The following SLC2A13 variants were observed in gnomAD, a reference collection of about 807,000 sequenced individuals.
SLC2A13 encodes the protein proton myo-inositol cotransporter.
Under a neutral mutation model 64.4 loss-of-function variants are expected in SLC2A13, and 32 were observed. That is an observed-to-expected ratio of 0.50 (90% CI 0.37 to 0.67). SLC2A13 has a LOEUF of 0.67. Ranked by LOEUF, SLC2A13 falls within the 30% of genes least tolerant of loss-of-function variation. SLC2A13 has a pLI of 0.00. For synonymous variants in SLC2A13, 338 were observed against 327.1 expected, an observed-to-expected ratio of 1.03 and a Z score of -0.36; for missense variants, 743 against 829.2, an observed-to-expected ratio of 0.90 and a Z score of 1.28.
intron 3 of SLC2A13, among the ~76,000 whole-genome samples, chr12:39,979,558 GAAGA>G (rs1253678892): frequency 3.3e-5 from 5 of 149,650 alleles, no homozygotes; most frequent in African/African-American, 1.2e-4. Context: ...CGATCAACTG[GAAGA>G]AAGGGTATCA....
At chr12:39,901,287 A>G (rs1945099109) in intron 4 of SLC2A13, among the ~76,000 whole-genome samples, 1 of 152,220 alleles carries the variant, frequency 6.6e-6, no homozygotes, top group East Asian at 1.9e-4. Flanking sequence ...ATGGGCAAGG[A>G]CCTCATGTCT....
At chr12:40,065,402 T>C (rs1488782623) in intron 1 of SLC2A13, among the ~76,000 whole-genome samples, 1 of 150,268 alleles carries the variant, frequency 6.7e-6, no homozygotes, top group Non-Finnish European at 1.5e-5. Context: ...GGCAACATAG[T>C]GAAACCTCAT....
At chr12:39,967,629 T>C (rs1284151897) in intron 3 of SLC2A13, among the ~76,000 whole-genome samples, 1 of 152,246 alleles carries the variant, frequency 6.6e-6, no homozygotes, top group Non-Finnish European at 1.5e-5. Context: ...ATCAAGTTTC[T>C]ATAAATGTTT....
At chr12:39,854,415 A>G (rs1431293857) in intron 6 of SLC2A13, among the ~76,000 whole-genome samples, 1 of 152,228 alleles carries the variant, frequency 6.6e-6, no homozygotes, top group African/African-American at 2.4e-5. Context: ...CCTGCTAGGT[A>G]TATTGGCTGG....
Position 39,951,322 on chromosome 12 carries a change from G to A in SLC2A13, c.969C>T (p.Arg323=). ...ICRMLSYPPT[R]RALIVGCGLQ... ...GGCCACAACCCACAATTAAAGCTCG[G>A]CGAGTTGGGGGATAACTCAGCATTC... Residue 323 remains arginine, a synonymous_variant, in exon 4 of 10, where the codon CGC becomes CGT. Transcript: ENST00000280871. 1 of 1,611,070 alleles carries A rather than the reference G, an allele frequency of 6.2e-7. No homozygotes were observed. The highest frequency in any genetic ancestry group is 2.2e-5 in the East Asian group (1 of 44,730).
intron 1 of SLC2A13, among the ~76,000 whole-genome samples, chr12:40,074,704 T>TC (rs901442750): frequency 6.6e-6 from 1 of 152,114 alleles, no homozygotes; most frequent in African/African-American, 2.4e-5. Flanking sequence ...AGCCCATTTT[T>TC]CCCCCTTTTA....
intron 4 of SLC2A13, among the ~76,000 whole-genome samples, chr12:39,919,934 T>A (rs1945586302): frequency 6.6e-6 from 1 of 152,110 alleles, no homozygotes; most frequent in South Asian, 2.1e-4. Flanking sequence ...TAAATGATTT[T>A]TTTTTGTAAA....
At chr12:39,761,325 G>A (rs966859886) in intron 9 of SLC2A13, among the ~76,000 whole-genome samples, 2 of 151,944 alleles carry the variant, frequency 1.3e-5, no homozygotes, top group East Asian at 3.9e-4. Context: ...AAAATCAGGG[G>A]CATGTATAGG....
chr12:39,932,769 G>A (rs1267995214), intron 4 of SLC2A13, among the ~76,000 whole-genome samples: 4 of 152,118 alleles, frequency 2.6e-5, no homozygotes, highest in African/African-American at 9.7e-5. Flanking sequence ...TCTAGCAGAA[G>A]GGAAAGCAAC....
At position 39,896,465 on chromosome 12, in the gene SLC2A13, T is replaced by TACATATATGTATATGTGTATATATGTAC. The variant is rs1565528574; in HGVS notation, c.1035-24532_1035-24505dup. On this transcript the variant is annotated intron_variant, in intron 4 of 9. Transcript: ENST00000280871. ...ATATGTATATGTGTGTATATATGTA[T>TACATATATGTATATGTGTATATATGTAC]ACATATATGTATATGTGTATATATG... 3.2e-3 allele frequency among the ~76,000 whole-genome samples: 449 copies of TACATATATGTATATGTGTATATATGTAC among 141,470 alleles called. 13 individuals carry two copies. Among genetic ancestry groups the TACATATATGTATATGTGTATATATGTAC allele is most frequent in the Middle Eastern group, 9.1e-3 (1 of 110 alleles). 92.8% of individuals were successfully genotyped at this position (141,470 alleles called of 152,430 possible). A position where few individuals can be genotyped will look rare whatever the true frequency, so the allele number is the denominator to read the frequency against.
chr12:39,958,708 T>C (rs1946359472), intron 3 of SLC2A13, among the ~76,000 whole-genome samples: 1 of 152,142 alleles, frequency 6.6e-6, no homozygotes, highest in African/African-American at 2.4e-5. Context: ...TCTCCTCTAA[T>C]AGGCAATGCT....
At chr12:39,841,742 A>AAAAC (rs773027607) in intron 6 of SLC2A13, among the ~76,000 whole-genome samples, 4 of 152,092 alleles carry the variant, frequency 2.6e-5, no homozygotes, top group Admixed American at 6.6e-5. Flanking sequence ...TTCAGAGAAA[A>AAAAC]AAACAGTAAC....
At chr12:39,830,002 G>T in intron 7 of SLC2A13, 101 bp downstream of exon 7, 1 of 1,451,784 alleles carries the variant, frequency 6.9e-7, no homozygotes, top group Non-Finnish European at 9.5e-7. Context: ...ATGAAGGCCA[G>T]TTTAAAAGAA....
chr12:39,948,466 G>A (rs1283874495), intron 4 of SLC2A13, among the ~76,000 whole-genome samples: 1 of 152,062 alleles, frequency 6.6e-6, no homozygotes, highest in African/African-American at 2.4e-5. Context: ...AAGGGAATAG[G>A]AATAAAGGAT....
chr12:39,963,529 T>G (rs1946453732), intron 3 of SLC2A13, among the ~76,000 whole-genome samples: 1 of 152,198 alleles, frequency 6.6e-6, no homozygotes, highest in Non-Finnish European at 1.5e-5. Flanking sequence ...CCATAATAAA[T>G]GACAGTTCTA....
intron 7 of SLC2A13, among the ~76,000 whole-genome samples, chr12:39,806,675 A>G (rs1410160315): frequency 6.6e-6 from 1 of 152,228 alleles, no homozygotes; most frequent in African/African-American, 2.4e-5. Flanking sequence ...TATTTTAGAC[A>G]GTATACAGAA....
chr12:40,071,912 C>A lies in SLC2A13; in HGVS notation c.557-23702G>T, dbSNP rs556420145. On this transcript the variant is annotated intron_variant, in intron 1 of 9. Transcript: ENST00000280871. ...GATTTCCTCTATCAATTTCCTGTTT[C>A]CAATTTCATTTCCACTCCAATATTT... is the stretch of plus-strand genomic sequence containing the variant. Among the ~76,000 whole-genome samples the A allele has an allele frequency of 2.0e-5, 3 of 152,158 alleles. No homozygotes were observed. The South Asian group carries it at 6.2e-4, about 32-fold the overall frequency.
chr12:39,816,454 T>A (rs927369961), intron 7 of SLC2A13, among the ~76,000 whole-genome samples: 3 of 137,644 alleles, frequency 2.2e-5, no homozygotes, highest in African/African-American at 7.9e-5. Context: ...GGGGGAGGGA[T>A]AGCATTAGGA....
intron 1 of SLC2A13, among the ~76,000 whole-genome samples, chr12:40,094,674 A>C (rs2136300686): frequency 6.6e-6 from 1 of 152,290 alleles, no homozygotes; most frequent in Non-Finnish European, 1.5e-5. Context: ...GAAGAGAGGA[A>C]CTACAGAGAA....
Sources: allele counts gnomAD v4.1 joint callset (sites outside exome capture counted in the v4.1 genomes callset), GRCh38; gene constraint gnomAD v4.1.1; transcripts MANE v1.5; gene names NCBI Gene and HGNC (gene_info 2026-07-23, HGNC 2026-07-21).